EML6: variants seen among roughly 807,000 people sequenced by gnomAD.
EML6 encodes EMAP like 6, also known as echinoderm microtubule-associated protein-like 6.
A neutral mutation model predicts 240.1 loss-of-function variants in EML6; 154 were observed. The ratio of observed to expected loss-of-function variants is 0.64; its 90% confidence interval spans 0.56 to 0.73. The LOEUF is 0.73. Among genes scored for constraint, EML6 ranks in the 30% least tolerant of loss-of-function variants. The pLI, the probability that EML6 is intolerant of heterozygous loss-of-function variation, is 0.00. For missense variants in EML6, 2,964 were observed against 2,474.6 expected (o/e 1.20, Z -4.20); for synonymous variants, 1,148 against 899.0 (o/e 1.28, Z -4.95).
chr2:54,884,351 C>G (rs75630738), intron 17 of EML6, among the ~76,000 whole-genome samples: 1 of 152,190 alleles, frequency 6.6e-6, no homozygotes, highest in Non-Finnish European at 1.5e-5. Context: ...TCTAGAAGTT[C>G]TCCAAACCCT....
At chr2:54,761,013 T>C (rs1257216366) in intron 2 of EML6, among the ~76,000 whole-genome samples, 1 of 152,146 alleles carries the variant, frequency 6.6e-6, no homozygotes, top group African/African-American at 2.4e-5. Flanking sequence ...CTTTGAGGTT[T>C]ATGCTAGTGA....
At position 54,919,250 on chromosome 2, in the gene EML6, C is replaced by G. The variant is rs113264102; in HGVS notation, c.3675+2315C>G. Among the ~76,000 whole-genome samples the G allele has an allele frequency of 3.2e-4, 47 of 145,708 alleles. 1 individual carries two copies. Among genetic ancestry groups the G allele is most frequent in the East Asian group, 2.8e-3 (13 of 4,668 alleles). ...CTTTCCTCTATTTTGCTTCCCCCCC[C>G]CCCCAATCCTTTTCAAAAGTCTTAT... On this transcript the variant is annotated intron_variant, in intron 26 of 41. Coordinates refer to ENST00000356458, the MANE Select transcript of EML6 (RefSeq NM_001039753.4).
At chr2:54,739,455 A>T (rs1404978705) in intron 2 of EML6, among the ~76,000 whole-genome samples, 1 of 152,242 alleles carries the variant, frequency 6.6e-6, no homozygotes, top group Non-Finnish European at 1.5e-5. Context: ...AAGTTCATCA[A>T]CCTCCTGAAA....
chr2:54,949,061 A>G (rs1675833200), intron 29 of EML6, 101 bp downstream of exon 29: 1 of 872,328 alleles, frequency 1.1e-6, no homozygotes, highest in East Asian at 2.6e-5. Flanking sequence ...AATGAAACGG[A>G]GTAGGTCCCT....
chr2:54,829,435 A>G lies in EML6; in HGVS notation c.805A>G (p.Ile269Val), dbSNP rs367997357. 2.0e-4 allele frequency: 308 copies of G among 1,551,932 alleles called. No individual in the cohort carries two copies. Among genetic ancestry groups the G allele is most frequent in the Middle Eastern group, 1.7e-3 (10 of 6,018 alleles). Residue 269 changes from isoleucine (I) to valine (V), a missense_variant, in exon 7 of 42, where the codon ATA (isoleucine) becomes GTA (valine). Physicochemically the swap from Ile to Val is conservative, Grantham distance 29. Transcript: ENST00000356458. ...ACTGTGGGACACTGATTTCAAACCAATAACCAAAATTGATCTCAGGGAGAC... is the reference window on the plus strand; with the variant it reads ...ACTGTGGGACACTGATTTCAAACCAGTAACCAAAATTGATCTCAGGGAGAC... ...IRLWDTDFKPITKIDLRETEQ... is the reference protein window; with the variant it reads ...IRLWDTDFKPVTKIDLRETEQ...
At chr2:54,736,793 A>C (rs1683415977) in intron 2 of EML6, among the ~76,000 whole-genome samples, 1 of 152,040 alleles carries the variant, frequency 6.6e-6, no homozygotes, top group East Asian at 1.9e-4. Flanking sequence ...CCCTAGGCCT[A>C]CCTGATACAT....
intron 2 of EML6, among the ~76,000 whole-genome samples, chr2:54,788,218 C>T (rs1374190748): frequency 6.6e-6 from 1 of 152,244 alleles, no homozygotes. Flanking sequence ...CACATAGGTT[C>T]CAGATGGCTC....
intron 24 of EML6, among the ~76,000 whole-genome samples, chr2:54,907,929 T>C (rs573888011): frequency 2.2e-5 from 1 of 46,416 alleles, no homozygotes; most frequent in Non-Finnish European, 5.0e-5. Context: ...GATAGATAGA[T>C]AGATAGATAG....
intron 5 of EML6, among the ~76,000 whole-genome samples, chr2:54,826,578 C>G (rs537208754): frequency 8.2e-4 from 125 of 152,300 alleles, no homozygotes; most frequent in African/African-American, 2.9e-3. Context: ...CCACCCTGGG[C>G]AGCAGAGTGA....
chr2:54,852,195 C>T (rs564084560), intron 10 of EML6, among the ~76,000 whole-genome samples: 1 of 152,218 alleles, frequency 6.6e-6, no homozygotes, highest in East Asian at 1.9e-4. Context: ...TTTTTAAATG[C>T]TATTTTTGTG....
In EML6 at chr2:54,725,054, G is replaced by T. The variant is rs1195608016; in HGVS notation, c.-8G>T. 6.6e-7 allele frequency: 1 copy of T among 1,505,128 alleles called. No homozygotes were observed. Among genetic ancestry groups the T allele is most frequent in the Non-Finnish European group, 8.9e-7 (1 of 1,127,774 alleles). 93.2% of individuals were successfully genotyped at this position (1,505,128 alleles called of 1,614,324 possible). On this transcript the variant is annotated 5_prime_UTR_variant, in exon 2 of 42. Transcript: ENST00000356458. This position sits in a 1 kb window ranked among gnomAD's most constrained non-coding sequence, Gnocchi z 4.3. Reference sequence around the variant, plus strand: ...GGGGGGGCGGGGGGCGCGCGGGGTCGGCTTATCATGGCGGATCGGACGGCG... The same window carrying T: ...GGGGGGGCGGGGGGCGCGCGGGGTCTGCTTATCATGGCGGATCGGACGGCG...
At chr2:54,959,407 G>A (rs1558727705) in intron 34 of EML6, 146 bp downstream of exon 34, 1 of 763,698 alleles carries the variant, frequency 1.3e-6, no homozygotes. Context: ...CTCTCTCCAA[G>A]AGGGCCCTAA....
intron 18 of EML6, among the ~76,000 whole-genome samples, chr2:54,892,228 T>G (rs942826918): frequency 6.6e-6 from 1 of 152,154 alleles, no homozygotes; most frequent in Non-Finnish European, 1.5e-5. Flanking sequence ...ATCCCAACAG[T>G]GAGCGCTGCA....
At chr2:54,896,773 G>A (rs188850988) in intron 21 of EML6, among the ~76,000 whole-genome samples, 1 of 152,174 alleles carries the variant, frequency 6.6e-6, no homozygotes, top group African/African-American at 2.4e-5. Flanking sequence ...CTGACTTACT[G>A]TATCATGGAA....
chr2:54,773,845 G>A lies in EML6; in HGVS notation c.198-39387G>A, dbSNP rs557798728. 1.6e-3 allele frequency among the ~76,000 whole-genome samples: 249 copies of A among 152,320 alleles called. 1 individual carries two copies. The highest frequency in any genetic ancestry group is 5.7e-3 in the African/African-American group (235 of 41,574). Reference sequence around the variant, plus strand: ...AGTATCACAGAATTTTCTCCCAGAGGCATCTTAGTGTGGCATGAGAGCATA... The same window carrying A: ...AGTATCACAGAATTTTCTCCCAGAGACATCTTAGTGTGGCATGAGAGCATA... On this transcript the variant is annotated intron_variant, in intron 2 of 41. Transcript: ENST00000356458.
intron 2 of EML6, among the ~76,000 whole-genome samples, chr2:54,776,113 T>G (rs1668587136): frequency 1.3e-5 from 2 of 152,168 alleles, no homozygotes; most frequent in Admixed American, 1.3e-4. Context: ...GGGTTCAACC[T>G]GCCTTATTTT....
At chr2:54,916,572 T>A (rs1485025447) in intron 25 of EML6, among the ~76,000 whole-genome samples, 187 bp from the exon 26 acceptor site, 1 of 152,244 alleles carries the variant, frequency 6.6e-6, no homozygotes, top group African/African-American at 2.4e-5. Context: ...TTGACTGCAG[T>A]GTTGGCTTCT....
intron 2 of EML6, among the ~76,000 whole-genome samples, chr2:54,791,141 A>G (rs1237437089): frequency 1.3e-5 from 2 of 152,094 alleles, no homozygotes; most frequent in African/African-American, 4.8e-5. Context: ...TGTGAAGAGA[A>G]ATTCAGAGAG....
intron 26 of EML6, among the ~76,000 whole-genome samples, chr2:54,925,663 C>T (rs1481003642): frequency 6.6e-6 from 1 of 152,178 alleles, no homozygotes; most frequent in Non-Finnish European, 1.5e-5. Context: ...AGTGCCCTGA[C>T]AGCCACCTTG....
Sources: allele counts gnomAD v4.1 joint callset (sites outside exome capture counted in the v4.1 genomes callset), GRCh38; gene constraint gnomAD v4.1.1; non-coding constraint Gnocchi (gnomAD v3.1); transcripts MANE v1.5; gene names NCBI Gene and HGNC (gene_info 2026-07-23, HGNC 2026-07-21).